Variants in RIT2 observed in about 807,000 individuals in gnomAD.
The protein encoded by RIT2 is GTP-binding protein Rit2.
In RIT2, 24 loss-of-function variants were observed where a neutral mutation model predicts 23.7. The observed-to-expected ratio is 1.01, with a 90% CI of 0.73 to 1.43. The LOEUF is 1.43. Ranked by LOEUF, RIT2 falls within the 40% of genes most tolerant of loss-of-function variation. RIT2 has a pLI of 0.00. For missense variants in RIT2, 236 were observed against 266.9 expected, an observed-to-expected ratio of 0.88 and a Z score of 0.81; for synonymous variants, 107 against 91.1, an observed-to-expected ratio of 1.17 and a Z score of -0.99.
chr18:42,847,455 TA>T (rs200978998), intron 4 of RIT2, among the ~76,000 whole-genome samples: 2 of 151,120 alleles, frequency 1.3e-5, no homozygotes, highest in Non-Finnish European at 3.0e-5. Flanking sequence ...TCATTTTATT[TA>T]AAAAAAAATA....
intron 2 of RIT2, among the ~76,000 whole-genome samples, chr18:42,990,917 T>G (rs369406384): frequency 5.7e-4 from 86 of 150,048 alleles, no homozygotes; most frequent in African/African-American, 2.0e-3. Context: ...GTTTTGTTTT[T>G]TTTTTTTTTT....
At chr18:42,867,572 G>T (rs547066149) in intron 4 of RIT2, among the ~76,000 whole-genome samples, 42 of 151,744 alleles carry the variant, frequency 2.8e-4, no homozygotes, top group Middle Eastern at 3.4e-3. Flanking sequence ...GATTGCTTGA[G>T]TCCAGGAGTT....
intron 3 of RIT2, among the ~76,000 whole-genome samples, chr18:42,964,680 G>A (rs763324991): frequency 1.3e-5 from 2 of 152,002 alleles, no homozygotes; most frequent in African/African-American, 4.8e-5. Flanking sequence ...TTTAAATTTG[G>A]AGCCTCAAAA....
intron 4 of RIT2, among the ~76,000 whole-genome samples, chr18:42,912,687 C>T (rs934978868): frequency 6.6e-6 from 1 of 151,882 alleles, no homozygotes; most frequent in African/African-American, 2.4e-5. Context: ...ATTTCCATTA[C>T]TCCTAAGAAA....
At chr18:42,899,404 G>A (rs2144104431) in intron 4 of RIT2, among the ~76,000 whole-genome samples, 1 of 151,666 alleles carries the variant, frequency 6.6e-6, no homozygotes, top group South Asian at 2.1e-4. Flanking sequence ...ACCCTATATG[G>A]CAAGTGAGTC....
At chr18:42,842,370 C>T (rs1307138941) in intron 4 of RIT2, among the ~76,000 whole-genome samples, 3 of 152,088 alleles carry the variant, frequency 2.0e-5, no homozygotes, top group Admixed American at 2.0e-4. Flanking sequence ...ATTACCTGGT[C>T]AGAAATAGAT....
At chr18:42,871,420 A>C (rs1008801754) in intron 4 of RIT2, among the ~76,000 whole-genome samples, 1 of 152,128 alleles carries the variant, frequency 6.6e-6, no homozygotes, top group Non-Finnish European at 1.5e-5. Flanking sequence ...TCTAGCTATT[A>C]CTTGCTAAAT....
At chr18:42,764,270 T>C (rs1913370787) in intron 4 of RIT2, among the ~76,000 whole-genome samples, 1 of 152,194 alleles carries the variant, frequency 6.6e-6, no homozygotes, top group Admixed American at 6.6e-5. Context: ...GTCTAGAAGA[T>C]AACTGAAGTT....
intron 4 of RIT2, among the ~76,000 whole-genome samples, chr18:42,897,916 T>C (rs1355675993): frequency 6.6e-6 from 1 of 152,194 alleles, no homozygotes; most frequent in East Asian, 1.9e-4. Flanking sequence ...CTTTGTGTTA[T>C]ACCACAAGAA....
intron 4 of RIT2, among the ~76,000 whole-genome samples, chr18:42,812,092 G>A (rs1360969280): frequency 1.3e-5 from 2 of 152,106 alleles, no homozygotes; most frequent in African/African-American, 4.8e-5. Flanking sequence ...GATTGCATTG[G>A]TACAGAAATT....
chr18:43,055,029 G>T (rs1598763859), intron 1 of RIT2, among the ~76,000 whole-genome samples: 2 of 152,174 alleles, frequency 1.3e-5, no homozygotes, highest in East Asian at 3.9e-4. Context: ...AACCCTTCAG[G>T]CTTGTGGAAG....
Position 42,803,730 on chromosome 18 carries a change from C to T in RIT2, c.427-60010G>A, listed in dbSNP as rs535349874. ...TTCCAACCTGATGCTATTTGCTGCC[C>T]GTGGTATTTATTAATAGTCCTATAA... On this transcript the variant is annotated intron_variant, in intron 4 of 4. Transcript: ENST00000326695. 4.6e-5 allele frequency among the ~76,000 whole-genome samples: 7 copies of T among 152,128 alleles called. No homozygotes were observed. The East Asian group carries it at 1.2e-3, about 25-fold the overall frequency.
intron 1 of RIT2, among the ~76,000 whole-genome samples, chr18:43,058,030 G>A (rs1457675805): frequency 1.3e-5 from 2 of 152,010 alleles, no homozygotes; most frequent in African/African-American, 4.8e-5. Context: ...TTTTGGCATA[G>A]CATCTGGTAA....
At chr18:42,876,210 T>G (rs1399934094) in intron 4 of RIT2, among the ~76,000 whole-genome samples, 1 of 152,052 alleles carries the variant, frequency 6.6e-6, no homozygotes, top group Non-Finnish European at 1.5e-5. Context: ...AGAAGTGAGA[T>G]GATGAATATA....
intron 4 of RIT2, among the ~76,000 whole-genome samples, chr18:42,864,024 C>A (rs1174469487): frequency 2.7e-5 from 4 of 146,852 alleles, no homozygotes; most frequent in African/African-American, 2.6e-5. Context: ...AATTGAATGA[C>A]AAGATTGTAT....
intron 1 of RIT2, among the ~76,000 whole-genome samples, chr18:43,103,368 C>A (rs1001537648): frequency 6.6e-6 from 1 of 152,172 alleles, no homozygotes; most frequent in Admixed American, 6.5e-5. Flanking sequence ...AATATAAAAT[C>A]TATTTCCTAC....
At chr18:43,033,958 G>A (rs1911916863) in intron 1 of RIT2, 91 bp from the exon 2 acceptor site, 2 of 841,304 alleles carry the variant, frequency 2.4e-6, no homozygotes, top group Non-Finnish European at 3.8e-6. Context: ...CTTTTAAAAG[G>A]TTATGGTGAA....
At chr18:42,833,746 T>C (rs2144013053) in intron 4 of RIT2, among the ~76,000 whole-genome samples, 1 of 152,250 alleles carries the variant, frequency 6.6e-6, no homozygotes, top group Non-Finnish European at 1.5e-5. Flanking sequence ...TCAAATCAAA[T>C]TGGACAATAT....
intron 3 of RIT2, among the ~76,000 whole-genome samples, chr18:42,953,928 C>G (rs888040744): frequency 6.6e-6 from 1 of 152,104 alleles, no homozygotes; most frequent in African/African-American, 2.4e-5. Flanking sequence ...AGAATGAACT[C>G]TATTTCTCAT....
Sources: allele counts gnomAD v4.1 joint callset (sites outside exome capture counted in the v4.1 genomes callset), GRCh38; gene constraint gnomAD v4.1.1; transcripts MANE v1.5; gene names NCBI Gene and HGNC (gene_info 2026-07-23, HGNC 2026-07-21).